RYR2: variants seen among roughly 807,000 people sequenced by gnomAD.
The protein encoded by RYR2 is ryanodine receptor 2.
A neutral mutation model predicts 601.1 loss-of-function variants in RYR2; 227 were observed. The ratio of observed to expected loss-of-function variants is 0.38; its 90% CI spans 0.34 to 0.42. RYR2 has a LOEUF of 0.42. Among genes scored for constraint, RYR2 ranks in the 10% least tolerant of loss-of-function variants. The pLI is 1.00. For synonymous variants in RYR2, 2,223 were observed against 2,175.1 expected (o/e 1.02, Z -0.61); for missense variants, 4,646 against 6,156.5 (o/e 0.75, Z 8.21).
chr1:237,483,708 T>C (rs1662368670), intron 17 of RYR2, among the ~76,000 whole-genome samples: 1 of 152,224 alleles, frequency 6.6e-6, no homozygotes, highest in African/African-American at 2.4e-5. Context: ...TTCCCTGTTC[T>C]TTCTAGTCAT....
intron 29 of RYR2, among the ~76,000 whole-genome samples, chr1:237,580,443 C>A (rs569527981): frequency 1.3e-5 from 2 of 148,258 alleles, no homozygotes; most frequent in African/African-American, 2.5e-5. Flanking sequence ...AGGCGTGAGC[C>A]ACTGCGCCAG....
At chr1:237,498,637 C>T (rs1351617474) in intron 20 of RYR2, among the ~76,000 whole-genome samples, 1 of 151,054 alleles carries the variant, frequency 6.6e-6, no homozygotes, top group Non-Finnish European at 1.5e-5. Flanking sequence ...CATACAATAA[C>T]ATATTTTACT....
intron 27 of RYR2, among the ~76,000 whole-genome samples, chr1:237,562,746 C>A (rs1355650620): frequency 1.3e-5 from 2 of 152,052 alleles, no homozygotes; most frequent in East Asian, 3.9e-4. Context: ...GTTATAATTG[C>A]CTATCAAACA....
chr1:237,452,889 A>T (rs1397633743), intron 14 of RYR2, among the ~76,000 whole-genome samples: 3 of 151,898 alleles, frequency 2.0e-5, no homozygotes, highest in Non-Finnish European at 4.4e-5. Context: ...TTTGGACAAC[A>T]TTTCTTCTGA....
intron 1 of RYR2, among the ~76,000 whole-genome samples, chr1:237,208,725 G>A (rs936337930): frequency 4.0e-5 from 6 of 151,744 alleles, no homozygotes; most frequent in Admixed American, 2.0e-4. Flanking sequence ...ATGGAAACAC[G>A]TCAGTTCTAC....
intron 1 of RYR2, among the ~76,000 whole-genome samples, chr1:237,256,701 G>A (rs1358236630): frequency 6.6e-6 from 1 of 152,206 alleles, no homozygotes; most frequent in Non-Finnish European, 1.5e-5. Flanking sequence ...TATGGCAGAT[G>A]TTAATACATT....
intron 63 of RYR2, among the ~76,000 whole-genome samples, chr1:237,690,548 A>G (rs911228306): frequency 1.6e-4 from 24 of 152,242 alleles, no homozygotes; most frequent in African/African-American, 5.1e-4. Flanking sequence ...ATACTAAACT[A>G]GTAGACTTAG....
intron 11 of RYR2, among the ~76,000 whole-genome samples, chr1:237,420,211 C>T (rs369000557): frequency 6.6e-6 from 1 of 152,020 alleles, no homozygotes; most frequent in Non-Finnish European, 1.5e-5. Flanking sequence ...ATATTTTACT[C>T]CAGGCAAAAT....
chr1:237,378,538 C>T (rs1223655470), intron 8 of RYR2, among the ~76,000 whole-genome samples: 1 of 152,110 alleles, frequency 6.6e-6, no homozygotes, highest in African/African-American at 2.4e-5. Flanking sequence ...TGAAAAATCC[C>T]AGGCATCACA....
rs1447308388 is a variant in RYR2, at chr1:237,723,046, G to A, written c.10555-82G>A. Reference sequence around the variant, plus strand: ...CTGTAAAGCCCAATAAATAATGATGGGTGGACTCTTCCTATCTTTAGATTG... The same window carrying A: ...CTGTAAAGCCCAATAAATAATGATGAGTGGACTCTTCCTATCTTTAGATTG... On this transcript the variant is annotated intron_variant, in intron 73 of 104. Transcript: ENST00000366574. 5 of 1,208,338 alleles carry A rather than the reference G, an allele frequency of 4.1e-6. No individual in the cohort carries two copies. In the Admixed American group the frequency reaches 1.1e-4, roughly 26 times the overall value. The allele number at this position is 1,208,338 out of a possible 1,614,324, so 74.9% of individuals were successfully genotyped here.
chr1:237,117,965 C>T (rs1006749650), intron 1 of RYR2, among the ~76,000 whole-genome samples: 6 of 152,242 alleles, frequency 3.9e-5, no homozygotes, highest in African/African-American at 9.6e-5. Context: ...AGGCTGGCCT[C>T]GAATTCCTGA....
intron 10 of RYR2, among the ~76,000 whole-genome samples, chr1:237,400,748 C>A (rs1228973567): frequency 6.6e-6 from 1 of 151,958 alleles, no homozygotes; most frequent in Non-Finnish European, 1.5e-5. Flanking sequence ...TCTCCTTTCC[C>A]CCGAAAGTAG....
intron 80 of RYR2, among the ~76,000 whole-genome samples, chr1:237,748,086 G>C (rs1692231202): frequency 6.6e-6 from 1 of 152,106 alleles, no homozygotes. Context: ...ACAGGCAAAA[G>C]CTTACGTGCT....
chr1:237,356,045 C>A (rs377337436), intron 4 of RYR2, 60 bp downstream of exon 4: 688 of 1,481,212 alleles, frequency 4.6e-4, no homozygotes, highest in Admixed American at 7.0e-4. Context: ...CTTGCTCTCG[C>A]CTCTAATCTT....
chr1:237,166,444 A>G (rs1228433294), intron 1 of RYR2, among the ~76,000 whole-genome samples: 1 of 152,234 alleles, frequency 6.6e-6, no homozygotes, highest in African/African-American at 2.4e-5. Context: ...ATTCTTTACA[A>G]TAAAATTTAA....
intron 1 of RYR2, among the ~76,000 whole-genome samples, chr1:237,135,720 C>A (rs1479183544): frequency 6.6e-6 from 1 of 152,174 alleles, no homozygotes; most frequent in Non-Finnish European, 1.5e-5. Context: ...TGAGTTTTCA[C>A]TTGTAGCTTA....
In RYR2 at chr1:237,773,596, A is replaced by G; in HGVS notation, c.11723A>G (p.Lys3908Arg). The G allele has an allele frequency of 1.2e-6, 2 of 1,611,022 alleles. No individual in the cohort carries two copies. The highest frequency in any genetic ancestry group is 1.7e-6 in the Non-Finnish European group (2 of 1,177,562). Residue 3908 changes from lysine (K) to arginine (R), a missense_variant, in exon 87 of 105, where the codon AAA (lysine) becomes AGA (arginine). This residue lies in a region of RYR2 where 90 missense variants were observed against 213.3 expected (regional missense o/e 0.42). Transcript: ENST00000366574. ...IDEQGQRNFS[K>R]AIQVAKQVFN... Reference sequence around the variant, plus strand: ...GAACAAGGACAACGGAATTTCTCCAAAGCTATCCAAGTGGCAAAACAAGTC... The same window carrying G: ...GAACAAGGACAACGGAATTTCTCCAGAGCTATCCAAGTGGCAAAACAAGTC...
Position 237,792,095 on chromosome 1 carries a change from T to A in RYR2, c.13564-10T>A. 1 of 1,574,940 alleles carries A rather than the reference T, an allele frequency of 6.3e-7. No homozygotes were observed. The highest frequency in any genetic ancestry group is 1.3e-5 in the African/African-American group (1 of 74,220). On this transcript the variant is annotated splice_polypyrimidine_tract_variant and intron_variant, in intron 93 of 104. Transcript: ENST00000366574. ...AGCAAACTGACTCTACTTTAAATGCTTTGAATCAGGTCTCCACTTCTTCTG... is the reference window on the plus strand; with the variant it reads ...AGCAAACTGACTCTACTTTAAATGCATTGAATCAGGTCTCCACTTCTTCTG...
chr1:237,232,356 T>G (rs1487080153), intron 1 of RYR2, among the ~76,000 whole-genome samples: 2 of 152,054 alleles, frequency 1.3e-5, no homozygotes, highest in Admixed American at 1.3e-4. Context: ...TAAGGAAGCC[T>G]CCATAAAAAC....
Sources: allele counts gnomAD v4.1 joint callset (sites outside exome capture counted in the v4.1 genomes callset), GRCh38; gene constraint gnomAD v4.1.1; regional missense constraint gnomAD v4.1.1; transcripts MANE v1.5; gene names NCBI Gene and HGNC (gene_info 2026-07-23, HGNC 2026-07-21).